The following NDUFAF2 variants were observed in gnomAD, a reference collection of about 807,000 sequenced individuals.
NDUFAF2 encodes NADH:ubiquinone oxidoreductase complex assembly factor 2, also known as NADH dehydrogenase [ubiquinone] 1 alpha subcomplex assembly factor 2.
In NDUFAF2, 13 loss-of-function variants were observed where a neutral mutation model predicts 22.8. The observed-to-expected ratio is 0.57, with a 90% CI of 0.37 to 0.91. NDUFAF2 has a LOEUF of 0.91. Ranked by LOEUF, NDUFAF2 falls within the 40% of genes least tolerant of loss-of-function variation. The pLI, the probability that NDUFAF2 is intolerant of heterozygous loss-of-function variation, is 0.01. For synonymous variants in NDUFAF2, 53 were observed against 64.2 expected, an observed-to-expected ratio of 0.83 and a Z score of 0.84; for missense variants, 162 against 195.2, an observed-to-expected ratio of 0.83 and a Z score of 1.01.
intron 1 of NDUFAF2, among the ~76,000 whole-genome samples, chr5:60,974,836 G>C (rs947435503): frequency 2.0e-5 from 3 of 152,068 alleles, no homozygotes; most frequent in Non-Finnish European, 4.4e-5. Context: ...TTTATTTTGA[G>C]ACAGGGTCTC....
intron 1 of NDUFAF2, among the ~76,000 whole-genome samples, chr5:61,005,514 C>G (rs1212945936): frequency 6.6e-6 from 1 of 152,190 alleles, no homozygotes; most frequent in Non-Finnish European, 1.5e-5. Context: ...AATTGCCACA[C>G]TGTCTTCCAC....
rs547710441 is a variant in NDUFAF2 at position 60,947,728 on chromosome 5, T to TG, written c.127+2347dup. 1.0e-4 allele frequency among the ~76,000 whole-genome samples: 15 copies of TG among 143,306 alleles called. 1 individual carries two copies. The highest frequency in any genetic ancestry group is 8.7e-4 in the South Asian group (4 of 4,590). The allele number at this position is 143,306 out of a possible 152,430, so 94.0% of individuals were successfully genotyped here. The stretch of plus-strand genomic sequence containing the variant: ...TTGCAGTGAGCCGAGATCACACCAC[T>TG]GCACTCCAGCCTGGGTGACAGAGTG... On this transcript the variant is annotated intron_variant, in intron 1 of 3. Coordinates refer to ENST00000296597, the MANE Select transcript of NDUFAF2 (RefSeq NM_174889.5).
intron 1 of NDUFAF2, among the ~76,000 whole-genome samples, chr5:61,057,243 T>A (rs1487984409): frequency 1.3e-5 from 2 of 152,078 alleles, no homozygotes; most frequent in East Asian, 3.9e-4. Flanking sequence ...TTCTGAACAC[T>A]GGAAGCAAGC....
intron 1 of NDUFAF2, among the ~76,000 whole-genome samples, chr5:60,946,003 GTTGACA>G (rs1459285897): frequency 6.6e-6 from 1 of 152,152 alleles, no homozygotes; most frequent in African/African-American, 2.4e-5. Flanking sequence ...TTTCTCGGGA[GTTGACA>G]TTCCAAGACC....
intron 2 of NDUFAF2, among the ~76,000 whole-genome samples, chr5:61,080,540 G>C (rs928461925): frequency 1.3e-5 from 2 of 152,026 alleles, no homozygotes; most frequent in Admixed American, 1.3e-4. Context: ...CATTACATTT[G>C]AGCCATTCTA....
chr5:60,956,904 T>C (rs1750623502), intron 1 of NDUFAF2, among the ~76,000 whole-genome samples: 1 of 152,122 alleles, frequency 6.6e-6, no homozygotes, highest in South Asian at 2.1e-4. Flanking sequence ...TACTGCCTTT[T>C]GAATATGAAG....
At chr5:61,030,838 G>A (rs1259984933) in intron 1 of NDUFAF2, among the ~76,000 whole-genome samples, 1 of 152,036 alleles carries the variant, frequency 6.6e-6, no homozygotes, top group Non-Finnish European at 1.5e-5. Flanking sequence ...TGCAGCAAAA[G>A]GCCAACCAGT....
chr5:61,026,047 C>T (rs1203088944), intron 1 of NDUFAF2, among the ~76,000 whole-genome samples: 1 of 151,998 alleles, frequency 6.6e-6, no homozygotes, highest in Non-Finnish European at 1.5e-5. Context: ...TGAGATAGCA[C>T]TATTTTGCTG....
chr5:61,090,695 T>C (rs1752555994), intron 2 of NDUFAF2, among the ~76,000 whole-genome samples: 2 of 151,960 alleles, frequency 1.3e-5, no homozygotes, highest in South Asian at 4.1e-4. Flanking sequence ...TAAAAAAACT[T>C]TTATTTTAAG....
intron 3 of NDUFAF2, among the ~76,000 whole-genome samples, chr5:61,126,662 A>G (rs930336478): frequency 2.0e-5 from 3 of 152,112 alleles, no homozygotes; most frequent in African/African-American, 7.2e-5. Context: ...CTTGCTAACA[A>G]AATTTATTTG....
intron 1 of NDUFAF2, among the ~76,000 whole-genome samples, chr5:60,987,402 A>T (rs1470832965): frequency 1.3e-5 from 2 of 152,216 alleles, no homozygotes; most frequent in Non-Finnish European, 2.9e-5. Context: ...AAAATTGAGA[A>T]GGGATTTCTT....
intron 1 of NDUFAF2, among the ~76,000 whole-genome samples, chr5:60,959,916 A>G (rs1452662567): frequency 6.6e-6 from 1 of 152,118 alleles, no homozygotes; most frequent in Non-Finnish European, 1.5e-5. Flanking sequence ...GTTGAGGGGA[A>G]ACAAAAACCC....
chr5:61,132,446 A>T (rs1173637203), intron 3 of NDUFAF2, among the ~76,000 whole-genome samples: 1 of 151,246 alleles, frequency 6.6e-6, no homozygotes, highest in Non-Finnish European at 1.5e-5. Context: ...GTTTCTTCAT[A>T]TTGCTGTCTC....
chr5:60,973,900 G>A (rs1263228050), intron 1 of NDUFAF2, among the ~76,000 whole-genome samples: 3 of 152,096 alleles, frequency 2.0e-5, no homozygotes, highest in African/African-American at 7.2e-5. Flanking sequence ...TGCCTCCCAG[G>A]CTCAGTGATT....
At chr5:60,946,219 G>C (rs1271063595) in intron 1 of NDUFAF2, among the ~76,000 whole-genome samples, 1 of 152,116 alleles carries the variant, frequency 6.6e-6, no homozygotes, top group Non-Finnish European at 1.5e-5. Flanking sequence ...GCGAAGAGGC[G>C]TGGGTTAGAA....
chr5:60,989,301 A>G (rs995685304), intron 1 of NDUFAF2, among the ~76,000 whole-genome samples: 1 of 152,164 alleles, frequency 6.6e-6, no homozygotes, highest in Non-Finnish European at 1.5e-5. Context: ...ACACCTATAC[A>G]CTGCTGGTAG....
intron 1 of NDUFAF2, among the ~76,000 whole-genome samples, chr5:60,992,121 T>C (rs1751166429): frequency 6.6e-6 from 1 of 152,242 alleles, no homozygotes; most frequent in Non-Finnish European, 1.5e-5. Context: ...TTCAAATCTT[T>C]GCCCATTTTT....
At chr5:61,071,261 A>T (rs1036389663) in intron 1 of NDUFAF2, among the ~76,000 whole-genome samples, 4 of 152,150 alleles carry the variant, frequency 2.6e-5, no homozygotes, top group Admixed American at 2.6e-4. Context: ...AGCAAAAGGT[A>T]ACTCCTCTTT....
At chr5:60,952,382 A>C (rs181279061) in intron 1 of NDUFAF2, among the ~76,000 whole-genome samples, 358 of 151,872 alleles carry the variant, frequency 2.4e-3, no homozygotes, top group African/African-American at 8.3e-3. Flanking sequence ...CATTTCACAA[A>C]TTTTTATCTT....
Sources: allele counts gnomAD v4.1 joint callset (sites outside exome capture counted in the v4.1 genomes callset), GRCh38; gene constraint gnomAD v4.1.1; transcripts MANE v1.5; gene names NCBI Gene and HGNC (gene_info 2026-07-23, HGNC 2026-07-21).